ZNF385B: variants seen among roughly 807,000 people sequenced by gnomAD.
ZNF385B encodes the protein zinc finger protein 385B.
In ZNF385B, 23 loss-of-function variants were observed where a neutral mutation model predicts 39.2. The observed-to-expected ratio is 0.59, with a 90% CI of 0.42 to 0.83. ZNF385B has a LOEUF of 0.83. Ranked by LOEUF, ZNF385B falls within the 40% of genes least tolerant of loss-of-function variation. The pLI, the probability that ZNF385B is intolerant of heterozygous loss-of-function variation, is 0.00. For missense variants in ZNF385B, 552 were observed against 598.9 expected (o/e 0.92, Z 0.82); for synonymous variants, 205 against 222.6 (o/e 0.92, Z 0.70).
intron 3 of ZNF385B, among the ~76,000 whole-genome samples, chr2:179,734,395 C>T (rs1391989311): frequency 1.3e-5 from 2 of 152,268 alleles, no homozygotes; most frequent in African/African-American, 2.4e-5. Flanking sequence ...ATTCATACTC[C>T]ACATAACAAT....
chr2:179,460,865 C>A (rs559730377), intron 6 of ZNF385B, among the ~76,000 whole-genome samples: 69 of 152,174 alleles, frequency 4.5e-4, no homozygotes, highest in Non-Finnish European at 9.6e-4. Flanking sequence ...GCTTTCAGGG[C>A]AGCTGATTCG....
At chr2:179,531,799 T>G (rs534159324) in intron 4 of ZNF385B, among the ~76,000 whole-genome samples, 1 of 152,306 alleles carries the variant, frequency 6.6e-6, no homozygotes, top group East Asian at 1.9e-4. Context: ...TTGTCACACT[T>G]AACATTTTAG....
intron 3 of ZNF385B, among the ~76,000 whole-genome samples, chr2:179,629,784 T>C (rs1691023797): frequency 6.6e-6 from 1 of 152,194 alleles, no homozygotes; most frequent in South Asian, 2.1e-4. Context: ...CGTCACAGAC[T>C]ACCTGGAAAA....
chr2:179,627,620 A>G (rs760787474), intron 3 of ZNF385B, among the ~76,000 whole-genome samples: 25 of 152,170 alleles, frequency 1.6e-4, no homozygotes, highest in Non-Finnish European at 7.4e-5. Context: ...TCTCAACTCC[A>G]CATTCCACGA....
chr2:179,839,584 T>C (rs1253600540), intron 1 of ZNF385B, among the ~76,000 whole-genome samples: 2 of 152,218 alleles, frequency 1.3e-5, no homozygotes, highest in Non-Finnish European at 2.9e-5. Flanking sequence ...AATCTCAGTG[T>C]TTCAGACGGC....
At chr2:179,596,217 G>A (rs1687986481) in intron 3 of ZNF385B, among the ~76,000 whole-genome samples, 1 of 152,158 alleles carries the variant, frequency 6.6e-6, no homozygotes, top group South Asian at 2.1e-4. Flanking sequence ...CACAGGCGTT[G>A]AACAGGATAG....
At chr2:179,773,371 T>C (rs1181392406) in intron 1 of ZNF385B, among the ~76,000 whole-genome samples, 4 of 152,162 alleles carry the variant, frequency 2.6e-5, no homozygotes, top group African/African-American at 9.7e-5. Flanking sequence ...CCTTAACCCC[T>C]AACAACTTGG....
chr2:179,660,372 T>C (rs1201183223), intron 3 of ZNF385B, among the ~76,000 whole-genome samples: 1 of 152,136 alleles, frequency 6.6e-6, no homozygotes, highest in Non-Finnish European at 1.5e-5. Flanking sequence ...TTCACTGGAG[T>C]TTGAGATGTA....
intron 7 of ZNF385B, among the ~76,000 whole-genome samples, chr2:179,446,210 C>G (rs2049456618): frequency 6.6e-6 from 1 of 151,988 alleles, no homozygotes; most frequent in Non-Finnish European, 1.5e-5. Context: ...ATTTTTTTCT[C>G]TTTTAAGTGT....
intron 6 of ZNF385B, among the ~76,000 whole-genome samples, chr2:179,470,599 CCTCT>C (rs1574304688): frequency 6.6e-6 from 1 of 152,088 alleles, no homozygotes; most frequent in East Asian, 1.9e-4. Flanking sequence ...AGCCTTCTAG[CCTCT>C]CTCTCTGTGC....
chr2:179,444,176 A>G (rs1213696706), intron 9 of ZNF385B, among the ~76,000 whole-genome samples: 1 of 152,240 alleles, frequency 6.6e-6, no homozygotes, highest in Non-Finnish European at 1.5e-5. Flanking sequence ...ACCTGCTTGC[A>G]GCATCAGACA....
intron 1 of ZNF385B, among the ~76,000 whole-genome samples, chr2:179,814,957 C>A (rs1706970840): frequency 6.6e-6 from 1 of 152,194 alleles, no homozygotes; most frequent in Non-Finnish European, 1.5e-5. Flanking sequence ...ACATAATGAT[C>A]ATCTCTGAGA....
intron 6 of ZNF385B, among the ~76,000 whole-genome samples, chr2:179,466,915 CAAAAAAAAAAA>C (rs777679885): frequency 2.2e-3 from 60 of 26,936 alleles, no homozygotes; most frequent in South Asian, 0.019. Flanking sequence ...GCAAGACTGT[CAAAAAAAAAAA>C]AAAAAAAAAA....
chr2:179,708,770 C>A (rs151096990), intron 3 of ZNF385B, among the ~76,000 whole-genome samples: 1 of 152,258 alleles, frequency 6.6e-6, no homozygotes, highest in African/African-American at 2.4e-5. Flanking sequence ...GGCACTGAAA[C>A]AATACCAATA....
intron 3 of ZNF385B, among the ~76,000 whole-genome samples, chr2:179,730,698 A>G (rs554693750): frequency 2.0e-5 from 3 of 152,072 alleles, no homozygotes; most frequent in South Asian, 4.1e-4. Context: ...TAAGCTCAAT[A>G]AATGATATTG....
chr2:179,545,044 A>G, intron 3 of ZNF385B, 75 bp from the exon 4 acceptor site: 1 of 1,596,502 alleles, frequency 6.3e-7, no homozygotes, highest in South Asian at 1.1e-5. Flanking sequence ...CAGTGCAAGA[A>G]CAAGTCTGTT....
At chr2:179,773,710 C>T (rs777834405) in intron 1 of ZNF385B, among the ~76,000 whole-genome samples, 3 of 152,088 alleles carry the variant, frequency 2.0e-5, no homozygotes, top group South Asian at 2.1e-4. Flanking sequence ...ACAGTGAACA[C>T]GGTCAAGGAG....
intron 6 of ZNF385B, among the ~76,000 whole-genome samples, chr2:179,478,902 T>A (rs2053697031): frequency 6.6e-6 from 1 of 152,168 alleles, no homozygotes; most frequent in Non-Finnish European, 1.5e-5. Context: ...GGGAAGTGTA[T>A]TGTCATATGG....
rs143440280 is a variant in ZNF385B at position 179,576,289 on chromosome 2, C to T, written c.299-31320G>A. ...GTATCTAAAAATCAAAAGTGAACCA[C>T]ATTACTCCTCTACTTAGAATCCTTT... On this transcript the variant is annotated intron_variant, in intron 3 of 9. Transcript: ENST00000410066. The T allele has an allele frequency of 6.8e-3, 3,334 of 492,168 alleles. 13 individuals carry two copies. The highest frequency in any genetic ancestry group is 8.1e-3 in the Non-Finnish European group (3,054 of 379,330). 30.5% of individuals were successfully genotyped at this position (492,168 alleles called of 1,614,324 possible).
Sources: gnomAD v4.1 joint callset for allele counts (sites outside exome capture counted in the v4.1 genomes callset) on GRCh38, gnomAD v4.1.1 for gene constraint, MANE v1.5 for transcripts, NCBI Gene and HGNC (gene_info 2026-07-23, HGNC 2026-07-21) for gene names.